The following SSPN variants were observed in gnomAD, a reference collection of about 807,000 sequenced individuals.
SSPN encodes the protein K-ras oncogene-associated protein.
SSPN carries 15 observed loss-of-function variants against 19.1 expected under a neutral mutation model. That is an observed-to-expected ratio of 0.78 (90% CI 0.52 to 1.21). The LOEUF (loss-of-function observed/expected upper bound fraction) is 1.21, where lower values mean the gene tolerates loss of function less well. Among genes scored for constraint, SSPN ranks in the 50% most tolerant of loss-of-function variants. The probability of loss-of-function intolerance (pLI) is 0.00; values close to 1 mark genes in which losing one functional copy is unlikely to be tolerated. For synonymous variants in SSPN, 147 were observed against 140.3 expected, an observed-to-expected ratio of 1.05 and a Z score of -0.34; for missense variants, 291 against 314.0, an observed-to-expected ratio of 0.93 and a Z score of 0.55.
intron 1 of SSPN, among the ~76,000 whole-genome samples, chr12:26,175,921 C>G (rs1944681095): frequency 6.6e-6 from 1 of 151,530 alleles, no homozygotes; most frequent in African/African-American, 2.4e-5. Flanking sequence ...ACTGCAACCT[C>G]TGCCTCCAAG....
At chr12:26,162,675 A>T (rs1003407489) in intron 1 of SSPN, among the ~76,000 whole-genome samples, 2 of 152,246 alleles carry the variant, frequency 1.3e-5, no homozygotes, top group Non-Finnish European at 2.9e-5. Flanking sequence ...GCAAATGTGT[A>T]CTACAACAAT....
intron 1 of SSPN, among the ~76,000 whole-genome samples, chr12:26,162,273 G>A (rs1235592619): frequency 6.6e-6 from 1 of 152,142 alleles, no homozygotes; most frequent in African/African-American, 2.4e-5. Context: ...CACCTATGCA[G>A]TTAAACATTT....
intron 1 of SSPN, among the ~76,000 whole-genome samples, chr12:26,151,927 G>C (rs913352748): frequency 1.3e-5 from 2 of 152,160 alleles, no homozygotes; most frequent in African/African-American, 4.8e-5. Context: ...TTTGGATAAT[G>C]CTTAGTCCCT....
intron 1 of SSPN, among the ~76,000 whole-genome samples, chr12:26,189,501 T>G (rs1383422256): frequency 6.6e-6 from 1 of 152,172 alleles, no homozygotes; most frequent in Non-Finnish European, 1.5e-5. Flanking sequence ...CTTTCCCATC[T>G]CAAGGAACTT....
intron 1 of SSPN, among the ~76,000 whole-genome samples, chr12:26,142,843 G>T (rs934956645): frequency 3.9e-5 from 6 of 152,192 alleles, no homozygotes; most frequent in African/African-American, 1.4e-4. Flanking sequence ...AGAATGTGCT[G>T]TCATCTACAG....
At chr12:26,160,268 A>G (rs1944579872) in intron 1 of SSPN, among the ~76,000 whole-genome samples, 1 of 152,242 alleles carries the variant, frequency 6.6e-6, no homozygotes, top group African/African-American at 2.4e-5. Flanking sequence ...TAAAGAAAAC[A>G]GGAAAATGCC....
intron 1 of SSPN, among the ~76,000 whole-genome samples, chr12:26,218,329 A>T (rs1423792265): frequency 2.5e-4 from 1 of 3,926 alleles, no homozygotes; most frequent in Non-Finnish European, 5.9e-4. Context: ...GGGTGGGGGG[A>T]GGGGGGAGGG....
At chr12:26,122,877 G>A in intron 1 of SSPN, 1 of 1,556,654 alleles carries the variant, frequency 6.4e-7, no homozygotes. Context: ...GTAGGCGAGG[G>A]GCTCCAGCTT....
chr12:26,142,650 T>C (rs1944467356), intron 1 of SSPN, among the ~76,000 whole-genome samples: 1 of 152,160 alleles, frequency 6.6e-6, no homozygotes, highest in Non-Finnish European at 1.5e-5. Context: ...GGGCTAGAGA[T>C]TTATATCTGG....
chr12:26,207,426 G>A (rs535104347), intron 1 of SSPN, among the ~76,000 whole-genome samples: 1 of 152,072 alleles, frequency 6.6e-6, no homozygotes, highest in African/African-American at 2.4e-5. Flanking sequence ...ACATTACATT[G>A]TATTGAAGTC....
chr12:26,215,796 C>G (rs1945041510), intron 1 of SSPN, among the ~76,000 whole-genome samples: 1 of 152,192 alleles, frequency 6.6e-6, no homozygotes, highest in African/African-American at 2.4e-5. Flanking sequence ...AGGAAACAGG[C>G]TCTGCAATGA....
upstream of SSPN, among the ~76,000 whole-genome samples, chr12:26,191,599 T>TC (rs1169263104): frequency 2.0e-5 from 3 of 151,652 alleles, no homozygotes; most frequent in Non-Finnish European, 4.4e-5. Context: ...AGAAAAAAAT[T>TC]AAGCCCAAAG....
chr12:26,228,722 A>T (rs537454472), intron 2 of SSPN, among the ~76,000 whole-genome samples: 1 of 152,272 alleles, frequency 6.6e-6, no homozygotes, highest in Admixed American at 6.5e-5. Flanking sequence ...CAAGAGTTTG[A>T]AGTCAGTAAT....
rs149709428 is a variant in SSPN, at chr12:26,187,607, G to A, written c.-30-36686G>A. On this transcript the variant is annotated intron_variant, in intron 1 of 2. Transcript: ENST00000538142. ...TTTATGATTGGCTGGGGTGAGCAAC[G>A]TAGCATTTGAGTATAGTCACTTCTC... is the stretch of plus-strand genomic sequence containing the variant. Among the ~76,000 whole-genome samples the A allele has an allele frequency of 4.6e-5, 7 of 151,458 alleles. No homozygotes were observed. In the East Asian group the frequency reaches 7.7e-4, roughly 17 times the overall value.
chr12:26,124,940 C>T, intron 1 of SSPN: 1 of 739,966 alleles, frequency 1.4e-6, no homozygotes, highest in Non-Finnish European at 2.4e-6. Context: ...CAGTTGGTCC[C>T]CCCCCTCCAC....
intron 1 of SSPN, among the ~76,000 whole-genome samples, chr12:26,168,727 A>G (rs1944635974): frequency 6.6e-6 from 1 of 152,242 alleles, no homozygotes; most frequent in Non-Finnish European, 1.5e-5. Context: ...TGGTGACAGC[A>G]CAAAAGAGAG....
At chr12:26,220,115 G>T in intron 1 of SSPN, among the ~76,000 whole-genome samples, 1 of 151,964 alleles carries the variant, frequency 6.6e-6, no homozygotes, top group East Asian at 1.9e-4. Flanking sequence ...TGAGAAATCT[G>T]GTTTTCTCTC....
At chr12:26,184,114 G>T (rs1259649823) in intron 1 of SSPN, among the ~76,000 whole-genome samples, 1 of 152,124 alleles carries the variant, frequency 6.6e-6, no homozygotes, top group Non-Finnish European at 1.5e-5. Context: ...ACTTGTGAGG[G>T]GTGGCAGTCA....
intron 1 of SSPN, among the ~76,000 whole-genome samples, chr12:26,184,381 A>G (rs1430960663): frequency 2.0e-5 from 3 of 152,254 alleles, no homozygotes; most frequent in South Asian, 4.1e-4. Flanking sequence ...ATATAAAACA[A>G]TTACAGAATC....
Sources: allele counts gnomAD v4.1 joint callset (sites outside exome capture counted in the v4.1 genomes callset), GRCh38; gene constraint gnomAD v4.1.1; transcripts MANE v1.5; gene names NCBI Gene and HGNC (gene_info 2026-07-23, HGNC 2026-07-21).